Variants in CALCRL observed in about 807,000 individuals in gnomAD.
The protein encoded by CALCRL is calcitonin receptor like receptor, also known as calcitonin gene-related peptide type 1 receptor.
In CALCRL, 27 loss-of-function variants were observed where a neutral mutation model predicts 60.4. The ratio of observed to expected loss-of-function variants is 0.45; its 90% CI spans 0.33 to 0.62. The LOEUF is 0.62. CALCRL is among the 20% of genes least tolerant of loss of function. The probability of loss-of-function intolerance (pLI) is 0.03; values close to 1 mark genes in which losing one functional copy is unlikely to be tolerated. For missense variants in CALCRL, 424 were observed against 540.7 expected, an observed-to-expected ratio of 0.78 and a Z score of 2.14; for synonymous variants, 190 against 182.6, an observed-to-expected ratio of 1.04 and a Z score of -0.33.
intron 14 of CALCRL, among the ~76,000 whole-genome samples, chr2:187,349,790 T>C (rs556653087): frequency 6.6e-6 from 1 of 151,814 alleles, no homozygotes; most frequent in East Asian, 1.9e-4. Context: ...GGCATTACTT[T>C]AGATATTCCC....
intron 1 of CALCRL, among the ~76,000 whole-genome samples, chr2:187,440,390 A>T (rs1326445455): frequency 6.6e-6 from 1 of 152,126 alleles, no homozygotes; most frequent in African/African-American, 2.4e-5. Flanking sequence ...AACATCTTTT[A>T]TTTCTTTTAA....
rs2105789894 is a variant in CALCRL, at chr2:187,385,440, A to G, written c.51+105T>C. 6.3e-6 allele frequency: 4 copies of G among 633,228 alleles called. No homozygotes were observed. The East Asian group carries it at 1.2e-4, about 18-fold the overall frequency. 39.2% of individuals were successfully genotyped at this position (633,228 alleles called of 1,614,324 possible). ...TTATTGCTGTATCAATTGGATATAA[A>G]AATGTAACTAATTTCTGTATCTAGT... On this transcript the variant is annotated intron_variant, in intron 4 of 14. Transcript: ENST00000392370.
At chr2:187,388,717 A>C in intron 1 of CALCRL, among the ~76,000 whole-genome samples, 1 of 152,270 alleles carries the variant, frequency 6.6e-6, no homozygotes. Flanking sequence ...TATATTTATT[A>C]ACAGATATAT....
chr2:187,439,392 T>C (rs1690791667), intron 1 of CALCRL, among the ~76,000 whole-genome samples: 1 of 152,048 alleles, frequency 6.6e-6, no homozygotes, highest in Non-Finnish European at 1.5e-5. Flanking sequence ...AGACAGAGAT[T>C]GCAGTGAGCC....
At chr2:187,361,569 TGAAAAG>T (rs975308579) in intron 9 of CALCRL, among the ~76,000 whole-genome samples, 30 of 151,940 alleles carry the variant, frequency 2.0e-4, no homozygotes, top group African/African-American at 6.8e-4. Context: ...AAAATAAAAT[TGAAAAG>T]AAAATGCACT....
At chr2:187,364,159 G>C (rs1157126857) in intron 8 of CALCRL, among the ~76,000 whole-genome samples, 1 of 143,260 alleles carries the variant, frequency 7.0e-6, no homozygotes, top group Non-Finnish European at 1.5e-5. Context: ...AAACAAAAGA[G>C]AGTTCACTGT....
At chr2:187,445,386 A>G (rs1167288030) in intron 1 of CALCRL, among the ~76,000 whole-genome samples, 1 of 151,664 alleles carries the variant, frequency 6.6e-6, no homozygotes, top group Non-Finnish European at 1.5e-5. Context: ...AACCAGAATT[A>G]TTTGATAAAG....
chr2:187,364,738 C>T (rs1352605902), intron 8 of CALCRL, among the ~76,000 whole-genome samples: 1 of 152,006 alleles, frequency 6.6e-6, no homozygotes, highest in East Asian at 1.9e-4. Context: ...ATATATAGCT[C>T]TAGTAATTAA....
chr2:187,412,000 A>G (rs1367105904), intron 1 of CALCRL, among the ~76,000 whole-genome samples: 1 of 151,086 alleles, frequency 6.6e-6, no homozygotes, highest in Non-Finnish European at 1.5e-5. Context: ...AAAAAAAAAA[A>G]AGAATTACAT....
At chr2:187,441,295 A>T (rs1363453759) in intron 1 of CALCRL, among the ~76,000 whole-genome samples, 1 of 151,804 alleles carries the variant, frequency 6.6e-6, no homozygotes, top group Non-Finnish European at 1.5e-5. Flanking sequence ...TATGTATTTG[A>T]TTTATCTAAT....
chr2:187,416,709 C>A (rs1166556595), intron 1 of CALCRL, among the ~76,000 whole-genome samples: 1 of 151,962 alleles, frequency 6.6e-6, no homozygotes, highest in Non-Finnish European at 1.5e-5. Flanking sequence ...ATACTCTGAA[C>A]TAAATGCAAA....
chr2:187,442,877 G>T (rs1037803118), intron 1 of CALCRL, among the ~76,000 whole-genome samples: 2 of 151,844 alleles, frequency 1.3e-5, no homozygotes, highest in African/African-American at 4.8e-5. Flanking sequence ...CTTCAGTAAT[G>T]AGAGGTCTAA....
At chr2:187,444,780 A>G (rs1691092803) in intron 1 of CALCRL, among the ~76,000 whole-genome samples, 1 of 151,460 alleles carries the variant, frequency 6.6e-6, no homozygotes, top group South Asian at 2.1e-4. Context: ...TTTGTAATAT[A>G]GCTTATTATA....
chr2:187,351,129 C>CA lies in CALCRL; in HGVS notation c.1170+790dup, dbSNP rs575692384. ...TGAAACCCCGTCTCTACTAAAAATACAAAAAATTAGCCGGGCGCGGTGGCG... is the reference window on the plus strand; with the variant it reads ...TGAAACCCCGTCTCTACTAAAAATACAAAAAAATTAGCCGGGCGCGGTGGCG... On this transcript the variant is annotated intron_variant, in intron 14 of 14. Transcript: ENST00000392370. 1.4e-3 allele frequency among the ~76,000 whole-genome samples: 31 copies of CA among 22,888 alleles called. 12 individuals carry two copies. The South Asian group carries it at 0.031, about 23-fold the overall frequency. The allele number at this position is 22,888 out of a possible 152,430, so 15.0% of individuals were successfully genotyped here.
chr2:187,440,138 T>C (rs977156802), intron 1 of CALCRL, among the ~76,000 whole-genome samples: 1 of 152,072 alleles, frequency 6.6e-6, no homozygotes, highest in Non-Finnish European at 1.5e-5. Flanking sequence ...TCATTGCAAA[T>C]AGTTTTTAAA....
At position 187,433,975 on chromosome 2, in the gene CALCRL, T is replaced by C. The variant is rs558871084; in HGVS notation, c.-293+14064A>G. ...GAGACACAATCACTCTCAGGAGATATGTAAGCTTCATAAATTATTGTAAAT... is the reference window on the plus strand; with the variant it reads ...GAGACACAATCACTCTCAGGAGATACGTAAGCTTCATAAATTATTGTAAAT... On this transcript the variant is annotated intron_variant, in intron 1 of 14. Transcript: ENST00000392370. 4.6e-5 allele frequency among the ~76,000 whole-genome samples: 7 copies of C among 152,154 alleles called. No individual in the cohort carries two copies. The East Asian group carries it at 7.7e-4, about 17-fold the overall frequency.
At chr2:187,405,890 G>A (rs1469380966) in intron 1 of CALCRL, among the ~76,000 whole-genome samples, 1 of 151,770 alleles carries the variant, frequency 6.6e-6, no homozygotes, top group Non-Finnish European at 1.5e-5. Context: ...AAGAAGTTTT[G>A]TCCTTATGAA....
chr2:187,355,228 C>T (rs1489360396), intron 12 of CALCRL, among the ~76,000 whole-genome samples: 1 of 151,974 alleles, frequency 6.6e-6, no homozygotes, highest in Non-Finnish European at 1.5e-5. Context: ...AGAAAACTTG[C>T]TCTGAGATGA....
At position 187,346,305 on chromosome 2, in the gene CALCRL, G is replaced by A; in HGVS notation, c.1265C>T (p.Thr422Ile). 2.5e-6 allele frequency: 4 copies of A among 1,612,430 alleles called. No homozygotes were observed. The highest frequency in any genetic ancestry group is 3.4e-6 in the Non-Finnish European group (4 of 1,178,928). The stretch of plus-strand genomic sequence containing the variant: ...TGGACCATCACTGATTGTTGACACT[G>A]TGTAAGACGCACTACGAAGAGCTTC... The part of the protein sequence containing the change: ...NSEALRSASY[T>I]VSTISDGPGY... Residue 422 changes from threonine to isoleucine, a missense_variant, in exon 15 of 15, where the codon ACA becomes ATA. Thr to Ile is a moderately conservative substitution (Grantham distance 89). Around this residue, in one of 7 missense-constraint regions of CALCRL, gnomAD observed 222 missense variants for 265.6 expected, o/e 0.84. Coordinates refer to ENST00000392370, the MANE Select transcript of CALCRL (RefSeq NM_005795.6).
Sources: allele counts gnomAD v4.1 joint callset (sites outside exome capture counted in the v4.1 genomes callset), GRCh38; gene constraint gnomAD v4.1.1; regional missense constraint gnomAD v4.1.1; transcripts MANE v1.5; gene names NCBI Gene and HGNC (gene_info 2026-07-23, HGNC 2026-07-21).